The following CMTR1 variants were observed in gnomAD, a reference collection of about 807,000 sequenced individuals.
CMTR1 encodes the protein cap methyltransferase 1, also known as cap-specific mRNA (nucleoside-2'-O-)-methyltransferase 1.
Under a neutral mutation model 107.0 loss-of-function variants are expected in CMTR1, and 39 were observed. The observed-to-expected ratio is 0.36, with a 90% CI of 0.28 to 0.48. The LOEUF (loss-of-function observed/expected upper bound fraction) is 0.48, where lower values mean the gene tolerates loss of function less well. Ranked by LOEUF, CMTR1 falls within the 20% of genes least tolerant of loss-of-function variation. The probability of loss-of-function intolerance (pLI) is 0.99; values close to 1 mark genes in which losing one functional copy is unlikely to be tolerated. For synonymous variants in CMTR1, 366 were observed against 379.5 expected (o/e 0.96, Z 0.41); for missense variants, 672 against 1,064.9 (o/e 0.63, Z 5.14).
Position 37,473,540 on chromosome 6 carries a change from CTG to C in CMTR1, c.1764_1765del (p.Phe589Ter). On this transcript the variant is annotated frameshift_variant, in exon 17 of 24. Transcript: ENST00000373451. LOFTEE classifies it high-confidence loss of function. ...TCTAAAACCCTGGAGAAGATCCGCC[CTG>C]TGTTTGACTACCGCTGCATGGTATC... 1 of 1,614,144 alleles carries C rather than the reference CTG, an allele frequency of 6.2e-7. No individual in the cohort carries two copies. The highest frequency in any genetic ancestry group is 8.5e-7 in the Non-Finnish European group (1 of 1,180,022).
intron 2 of CMTR1, among the ~76,000 whole-genome samples, chr6:37,437,003 T>C (rs1771542966): frequency 6.6e-6 from 1 of 152,200 alleles, no homozygotes; most frequent in African/African-American, 2.4e-5. Flanking sequence ...ACTGAGAAGC[T>C]GGTCCAGAGA....
rs1293970642 is a variant in CMTR1, at chr6:37,453,242, C to T, written c.707C>T (p.Ala236Val). The T allele has an allele frequency of 6.2e-7, 1 of 1,614,126 alleles. No homozygotes were observed. Among genetic ancestry groups the T allele is most frequent in the Admixed American group, 1.7e-5 (1 of 60,020 alleles). Residue 236 changes from alanine (A) to valine (V), a missense_variant and splice_region_variant, in exon 8 of 24, where the codon GCA (alanine) becomes GTA (valine). Physicochemically the swap from Ala to Val is moderately conservative, Grantham distance 64. Around this residue, in one of 2 missense-constraint regions of CMTR1, gnomAD observed 583 missense variants for 968.4 expected, o/e 0.60. Coordinates refer to ENST00000373451, the MANE Select transcript of CMTR1 (RefSeq NM_015050.3). ...MIRGVFFLNR[A>V]AMKMANMDFV... ...TTTTCTGTCTTGCTTTATTGCAGGG[C>T]AGCAATGAAGATGGCTAACATGGAT...
chr6:37,473,024 T>C (rs1337421316), intron 16 of CMTR1, among the ~76,000 whole-genome samples: 1 of 152,116 alleles, frequency 6.6e-6, no homozygotes, highest in African/African-American at 2.4e-5. Context: ...TTGTGCTGGT[T>C]TTGTGGGGGT....
intron 4 of CMTR1, among the ~76,000 whole-genome samples, chr6:37,448,858 T>G (rs777731298): frequency 7.2e-5 from 11 of 152,232 alleles, no homozygotes; most frequent in Non-Finnish European, 1.6e-4. Context: ...TCTGGGGACT[T>G]CTGAAAACTT....
At chr6:37,459,510 C>T in intron 9 of CMTR1, 56 bp from the exon 10 acceptor site, 1 of 1,471,260 alleles carries the variant, frequency 6.8e-7, no homozygotes. Context: ...ACTCGTGTCC[C>T]AGCTCCTGAC....
At chr6:37,443,978 A>ATTTTCC in intron 2 of CMTR1, 21 bp from the exon 3 acceptor site, 1 of 1,610,694 alleles carries the variant, frequency 6.2e-7, no homozygotes, top group Non-Finnish European at 8.5e-7. Context: ...CTACCTAAAC[A>ATTTTCC]TTTTCCTTTT....
rs1172891917 is a variant in CMTR1 at position 37,472,651 on chromosome 6, T to C, written c.1689+164T>C. On this transcript the variant is annotated intron_variant, in intron 16 of 23. Transcript: ENST00000373451. This position sits in a 1 kb window ranked among gnomAD's most constrained non-coding sequence, Gnocchi z 4.1. ...GGCTGCCACAGGTGGGAACCTTTGG[T>C]ATAGGGTGTTGAATTCCCCAAGAGC... is the stretch of plus-strand genomic sequence containing the variant. Among the ~76,000 whole-genome samples the C allele has an allele frequency of 1.3e-5, 2 of 152,160 alleles. No individual in the cohort carries two copies. Among genetic ancestry groups the C allele is most frequent in the African/African-American group, 4.8e-5 (2 of 41,436 alleles).
rs377098871 is a variant in CMTR1 at position 37,459,652 on chromosome 6, C to T, written c.1063C>T (p.Arg355Cys). Residue 355 changes from arginine to cysteine, a missense_variant, in exon 10 of 24, where the codon CGC becomes TGC. Physicochemically the swap from Arg to Cys is radical, Grantham distance 180. This residue lies in a region of CMTR1 where 583 missense variants were observed against 968.4 expected (regional missense o/e 0.60). Transcript: ENST00000373451. ...FRNFVLDNTD[R>C]KGVHFLMADG... ...GAATTTTGTCCTGGATAACACAGATCGCAAGGGTGTCCATTTTCTGATGGC... is the reference window on the plus strand; with the variant it reads ...GAATTTTGTCCTGGATAACACAGATTGCAAGGGTGTCCATTTTCTGATGGC... The T allele has an allele frequency of 8.7e-6, 14 of 1,613,992 alleles. No homozygotes were observed. The East Asian group carries it at 1.6e-4, about 18-fold the overall frequency.
At chr6:37,452,845 A>ATTT (rs374339246) in intron 6 of CMTR1, among the ~76,000 whole-genome samples, 2 of 145,450 alleles carry the variant, frequency 1.4e-5, no homozygotes, top group Non-Finnish European at 1.5e-5. Flanking sequence ...ACCTGTTTAC[A>ATTT]TTTTTTTTTT....
chr6:37,424,216 C>A, the CMTR1 span, among the ~76,000 whole-genome samples: 1 of 151,368 alleles, frequency 6.6e-6, no homozygotes, highest in Non-Finnish European at 1.5e-5. Flanking sequence ...ACTCCCGTAC[C>A]CTCACTATCT....
intron 16 of CMTR1, 48 bp from the exon 17 acceptor site, chr6:37,473,422 T>A: frequency 6.3e-7 from 1 of 1,591,666 alleles, no homozygotes; most frequent in Non-Finnish European, 8.6e-7. Flanking sequence ...GCACCCATAC[T>A]GTCCCTTCCC....
intron 3 of CMTR1, among the ~76,000 whole-genome samples, 163 bp downstream of exon 3, chr6:37,444,313 CTATCACATTTG>C (rs1300979957): frequency 6.6e-6 from 1 of 152,244 alleles, no homozygotes; most frequent in Non-Finnish European, 1.5e-5. Context: ...ATAGAAGTAT[CTATCACATTTG>C]TATCATCTAT....
Position 37,444,167 on chromosome 6 carries a change from G to A in CMTR1, c.285+17G>A. 1 of 1,611,628 alleles carries A rather than the reference G, an allele frequency of 6.2e-7. No homozygotes were observed. Among genetic ancestry groups the A allele is most frequent in the Non-Finnish European group, 8.5e-7 (1 of 1,178,864 alleles). Reference sequence around the variant, plus strand: ...AAGCTTATGGTATGTCAGCGCTTGGGTTGGGTTTCTCAAGCCCCACCAGCA... The same window carrying A: ...AAGCTTATGGTATGTCAGCGCTTGGATTGGGTTTCTCAAGCCCCACCAGCA... On this transcript the variant is annotated intron_variant, in intron 3 of 23. Coordinates refer to ENST00000373451, the MANE Select transcript of CMTR1 (RefSeq NM_015050.3).
chr6:37,462,398 G>A (rs1761418089), intron 12 of CMTR1, among the ~76,000 whole-genome samples: 1 of 152,178 alleles, frequency 6.6e-6, no homozygotes, highest in African/African-American at 2.4e-5. Flanking sequence ...GGCTGGGAAG[G>A]GGCAAGGAGC....
At position 37,459,640 on chromosome 6, in the gene CMTR1, G is replaced by A; in HGVS notation, c.1051G>A (p.Asp351Asn). 1 of 1,614,170 alleles carries A rather than the reference G, an allele frequency of 6.2e-7. No homozygotes were observed. The highest frequency in any genetic ancestry group is 1.1e-5 in the South Asian group (1 of 91,084). The change falls in exon 10 of 24, where the codon GAT becomes AAT. Residue 351 changes from aspartate to asparagine, a missense_variant. Transcript: ENST00000373451. Reference sequence around the variant, plus strand: ...CTCTGCTTTTCGGAATTTTGTCCTGGATAACACAGATCGCAAGGGTGTCCA... The same window carrying A: ...CTCTGCTTTTCGGAATTTTGTCCTGAATAACACAGATCGCAAGGGTGTCCA... ...NISAFRNFVLDNTDRKGVHFL... is the reference protein window; with the variant it reads ...NISAFRNFVLNNTDRKGVHFL...
intron 22 of CMTR1, 110 bp downstream of exon 22, chr6:37,478,631 G>C: frequency 2.4e-6 from 2 of 823,614 alleles, no homozygotes; most frequent in Non-Finnish European, 4.1e-6. Flanking sequence ...AGCTAAGGTG[G>C]GTAGCAGCCA....
chr6:37,458,846 G>A lies in CMTR1; in HGVS notation c.976+36G>A, dbSNP rs1480748689. On this transcript the variant is annotated intron_variant, in intron 9 of 23. Transcript: ENST00000373451. This position sits in a 1 kb window ranked among gnomAD's most constrained non-coding sequence, Gnocchi z 4.7. ...TGAGGAGGGTACTAGGAGGTATGAG[G>A]GACAGCCCCTCTATGGGGACTTCAG... 1.9e-6 allele frequency: 3 copies of A among 1,597,206 alleles called. No homozygotes were observed. The highest frequency in any genetic ancestry group is 1.1e-5 in the South Asian group (1 of 90,492).
chr6:37,461,711 G>A lies in CMTR1; in HGVS notation c.1192+66G>A, dbSNP rs1379463746. ...TAGAGGCCCTATTGGACAAGAACAT[G>A]TACAAGGGGTTGGTGGGGAAGTTAA... is the stretch of plus-strand genomic sequence containing the variant. On this transcript the variant is annotated intron_variant, in intron 11 of 23. Coordinates refer to ENST00000373451, the MANE Select transcript of CMTR1 (RefSeq NM_015050.3). 5.4e-6 allele frequency: 6 copies of A among 1,106,558 alleles called. No individual in the cohort carries two copies. The East Asian group carries it at 1.2e-4, about 22-fold the overall frequency. The allele number at this position is 1,106,558 out of a possible 1,614,324, so 68.5% of individuals were successfully genotyped here.
At chr6:37,433,058 T>G (rs910457839), upstream of CMTR1, among the ~76,000 whole-genome samples, 10 of 152,270 alleles carry the variant, frequency 6.6e-5, no homozygotes, top group Non-Finnish European at 1.2e-4. Context: ...TACTTTTGCT[T>G]TTGCAGCCTT....
Sources: allele counts gnomAD v4.1 joint callset (sites outside exome capture counted in the v4.1 genomes callset), GRCh38; gene constraint gnomAD v4.1.1; regional missense constraint gnomAD v4.1.1; non-coding constraint Gnocchi (gnomAD v3.1); transcripts MANE v1.5; gene names NCBI Gene and HGNC (gene_info 2026-07-23, HGNC 2026-07-21).